CHD2: variants seen among roughly 807,000 people sequenced by gnomAD.
CHD2 encodes the protein ATP-dependent chromatin remodeler CHD2.
CHD2 carries 28 observed loss-of-function variants against 243.9 expected under a neutral mutation model. The ratio of observed to expected loss-of-function variants is 0.11; its 90% CI spans 0.09 to 0.16. The LOEUF (loss-of-function observed/expected upper bound fraction) is 0.16, where lower values mean the gene tolerates loss of function less well. Among genes scored for constraint, CHD2 ranks in the 10% least tolerant of loss-of-function variants. CHD2 has a pLI of 1.00. For missense variants in CHD2, 1,386 were observed against 2,209.8 expected, an observed-to-expected ratio of 0.63 and a Z score of 7.47; for synonymous variants, 775 against 779.0, an observed-to-expected ratio of 0.99 and a Z score of 0.09.
At chr15:92,903,919 G>GC (rs2052568137) in intron 2 of CHD2, among the ~76,000 whole-genome samples, 1 of 152,178 alleles carries the variant, frequency 6.6e-6, no homozygotes, top group African/African-American at 2.4e-5. Context: ...ATTCTAAAAG[G>GC]CTGGGGATGA....
Position 93,014,881 on chromosome 15 carries a change from C to T in CHD2, c.4878C>T (p.His1626=), listed in dbSNP as rs2054438173. 6.8e-6 allele frequency: 11 copies of T among 1,613,976 alleles called. No homozygotes were observed. Among genetic ancestry groups the T allele is most frequent in the Non-Finnish European group, 9.3e-6 (11 of 1,179,998 alleles). ...GACACCCAAGAGATAACTACAATCA[C>T]CCCAACAAGAGACACTTCAGTAATG... is the stretch of plus-strand genomic sequence containing the variant. ...MHGHPRDNYN[H]PNKRHFSNAD... is the part of the protein sequence containing the mutation. Residue 1626 remains histidine (H), a synonymous_variant, in exon 37 of 39, where the codon CAC becomes CAT. Coordinates refer to ENST00000394196, the MANE Select transcript of CHD2 (RefSeq NM_001271.4).
chr15:93,011,519 G>A (rs2054394075), intron 35 of CHD2, among the ~76,000 whole-genome samples: 1 of 152,176 alleles, frequency 6.6e-6, no homozygotes. Context: ...GGAGGCTTTA[G>A]ACAGGAAGGT....
intron 16 of CHD2, among the ~76,000 whole-genome samples, chr15:92,957,670 G>A (rs943189318): frequency 6.7e-5 from 10 of 150,226 alleles, no homozygotes; most frequent in African/African-American, 2.4e-4. Flanking sequence ...TTTTAATTCA[G>A]GATTAAATTT....
At chr15:92,938,384 T>C (rs1432637492) in intron 6 of CHD2, among the ~76,000 whole-genome samples, 1 of 152,198 alleles carries the variant, frequency 6.6e-6, no homozygotes, top group African/African-American at 2.4e-5. Flanking sequence ...TTAAAAAAAT[T>C]TGTGAAAATT....
chr15:92,934,532 C>T (rs1245803485), intron 5 of CHD2, among the ~76,000 whole-genome samples: 1 of 152,198 alleles, frequency 6.6e-6, no homozygotes. Flanking sequence ...TGTAGACTGA[C>T]TTACAATGTA....
chr15:93,012,142 A>G (rs1366997893), intron 35 of CHD2, among the ~76,000 whole-genome samples: 1 of 152,204 alleles, frequency 6.6e-6, no homozygotes, highest in Non-Finnish European at 1.5e-5. Flanking sequence ...TTAAAGTTGC[A>G]ATTTCCAAGA....
At chr15:92,990,741 A>C (rs948205386) in intron 26 of CHD2, among the ~76,000 whole-genome samples, 1 of 152,214 alleles carries the variant, frequency 6.6e-6, no homozygotes, top group African/African-American at 2.4e-5. Flanking sequence ...TATATAACCC[A>C]ATTATCATAG....
chr15:92,933,999 T>G (rs1354402413), intron 5 of CHD2, among the ~76,000 whole-genome samples: 1 of 151,738 alleles, frequency 6.6e-6, no homozygotes, highest in African/African-American at 2.4e-5. Context: ...ATCATTGGAA[T>G]TTTTTTTTCA....
chr15:92,961,805 G>C (rs550846579), intron 16 of CHD2, among the ~76,000 whole-genome samples: 33 of 150,694 alleles, frequency 2.2e-4, no homozygotes, highest in African/African-American at 8.0e-4. Flanking sequence ...CTAGCTAAGG[G>C]CTTAACAATT....
At chr15:92,928,173 A>T (rs1033294665) in intron 4 of CHD2, among the ~76,000 whole-genome samples, 3 of 152,094 alleles carry the variant, frequency 2.0e-5, no homozygotes, top group Non-Finnish European at 4.4e-5. Context: ...AATCTAATTC[A>T]CCCTAACATC....
rs138796958 is a variant in CHD2, at chr15:92,988,105, G to A, written c.3413+2432G>A. Among the ~76,000 whole-genome samples, 237 of 150,492 alleles carry A rather than the reference G, an allele frequency of 1.6e-3. 3 individuals are homozygous for A. The highest frequency in any genetic ancestry group is 5.5e-3 in the African/African-American group (224 of 40,900). ...CTCTTTTTTTTTTTTCTTTTGAGAC[G>A]GAGTTTTGCTCTTCTCACCAAGGCT... On this transcript the variant is annotated intron_variant, in intron 26 of 38. Coordinates refer to ENST00000394196, the MANE Select transcript of CHD2 (RefSeq NM_001271.4).
At chr15:92,964,781 C>T (rs1004802549) in intron 16 of CHD2, among the ~76,000 whole-genome samples, 2 of 152,110 alleles carry the variant, frequency 1.3e-5, no homozygotes, top group African/African-American at 2.4e-5. Context: ...TTGAAAAATT[C>T]GGCTTATAAA....
intron 2 of CHD2, among the ~76,000 whole-genome samples, chr15:92,918,827 A>G (rs1174241536): frequency 6.6e-6 from 1 of 151,588 alleles, no homozygotes; most frequent in Non-Finnish European, 1.5e-5. Context: ...ACATATACAT[A>G]TATATACATA....
chr15:92,961,880 T>G (rs1049383828), intron 16 of CHD2, among the ~76,000 whole-genome samples: 9 of 78,982 alleles, frequency 1.1e-4, no homozygotes, highest in African/African-American at 3.5e-4. Context: ...TCTTCTCTTT[T>G]TTTTTTTTTT....
At chr15:93,006,691 A>G (rs1406909077) in intron 34 of CHD2, among the ~76,000 whole-genome samples, 2 of 152,224 alleles carry the variant, frequency 1.3e-5, no homozygotes, top group Non-Finnish European at 2.9e-5. Flanking sequence ...CATAGAACAC[A>G]GTTTTGACCC....
intron 16 of CHD2, among the ~76,000 whole-genome samples, chr15:92,966,529 A>C (rs949254929): frequency 6.6e-6 from 1 of 152,314 alleles, no homozygotes; most frequent in East Asian, 1.9e-4. Context: ...TGTCTACCCC[A>C]AAAGATCATA....
In CHD2 at chr15:92,978,402, C is replaced by G. The variant is rs750549460; in HGVS notation, c.2727+19C>G. 6 of 1,608,976 alleles carry G rather than the reference C, an allele frequency of 3.7e-6. No homozygotes were observed. The highest frequency in any genetic ancestry group is 5.1e-6 in the Non-Finnish European group (6 of 1,176,600). On this transcript the variant is annotated intron_variant, in intron 21 of 38. Coordinates refer to ENST00000394196, the MANE Select transcript of CHD2 (RefSeq NM_001271.4). ...GAAGCAGGTCAGTATGGAGAGGCTTCTGGAAATTGCTTTAGGGTTGGGGGC... is the reference window on the plus strand; with the variant it reads ...GAAGCAGGTCAGTATGGAGAGGCTTGTGGAAATTGCTTTAGGGTTGGGGGC...
At chr15:93,014,405 C>T (rs1205587858) in intron 36 of CHD2, among the ~76,000 whole-genome samples, 1 of 152,174 alleles carries the variant, frequency 6.6e-6, no homozygotes, top group Non-Finnish European at 1.5e-5. Context: ...AGAGTGCCGC[C>T]AGCCTGGGCG....
intron 19 of CHD2, among the ~76,000 whole-genome samples, chr15:92,974,196 T>G (rs1247634150): frequency 1.3e-5 from 2 of 152,172 alleles, no homozygotes; most frequent in African/African-American, 4.8e-5. Flanking sequence ...GTGTCAATGG[T>G]TTCTCTATGG....
Sources: allele counts gnomAD v4.1 joint callset (sites outside exome capture counted in the v4.1 genomes callset), GRCh38; gene constraint gnomAD v4.1.1; transcripts MANE v1.5; gene names NCBI Gene and HGNC (gene_info 2026-07-23, HGNC 2026-07-21).